The following COLEC12 variants were observed in gnomAD, a reference collection of about 807,000 sequenced individuals.
The protein encoded by COLEC12 is collectin-12.
A neutral mutation model predicts 71.1 loss-of-function variants in COLEC12; 33 were observed. That is an observed-to-expected ratio of 0.46 (90% CI 0.35 to 0.62). The LOEUF (loss-of-function observed/expected upper bound fraction) is 0.62. COLEC12 is among the 20% of genes least tolerant of loss of function. The probability of loss-of-function intolerance (pLI) is 0.00; values close to 1 mark genes in which losing one functional copy is unlikely to be tolerated. For synonymous variants in COLEC12, 350 were observed against 353.0 expected, an observed-to-expected ratio of 0.99 and a Z score of 0.10; for missense variants, 765 against 916.1, an observed-to-expected ratio of 0.84 and a Z score of 2.13.
At chr18:490,429 A>C (rs1005287787) in intron 1 of COLEC12, among the ~76,000 whole-genome samples, 4 of 152,198 alleles carry the variant, frequency 2.6e-5, no homozygotes, top group Non-Finnish European at 5.9e-5. Context: ...GAAAATGGTA[A>C]AAAAAGTTAT....
chr18:333,326 A>G, intron 6 of COLEC12, 183 bp from the exon 7 acceptor site: 1 of 538,970 alleles, frequency 1.9e-6, no homozygotes. Flanking sequence ...AGTGGACTGC[A>G]GAGCACAAGC....
rs567871732 is a variant in COLEC12 at position 319,161 on chromosome 18, T to C, written c.*884A>G. On this transcript the variant is annotated 3_prime_UTR_variant, in exon 10 of 10. Coordinates refer to ENST00000400256, the MANE Select transcript of COLEC12 (RefSeq NM_130386.3). ...TCTTGAGTTGCCCATTTCTTCTGTG[T>C]CTGGTCAGGCACACGTCAAGAATGT... 6.6e-6 allele frequency: 1 copy of C among 151,978 alleles called. No homozygotes were observed. The highest frequency in any genetic ancestry group is 6.6e-5 in the Admixed American group (1 of 15,236). 9.4% of individuals were successfully genotyped at this position (151,978 alleles called of 1,614,324 possible).
intron 1 of COLEC12, among the ~76,000 whole-genome samples, chr18:492,060 A>C (rs1917629245): frequency 6.6e-6 from 1 of 152,122 alleles, no homozygotes; most frequent in African/African-American, 2.4e-5. Context: ...CAACTGTTTC[A>C]CTCCAAATGG....
intron 5 of COLEC12, among the ~76,000 whole-genome samples, chr18:339,358 A>C (rs577497117): frequency 6.6e-6 from 1 of 152,204 alleles, no homozygotes; most frequent in Non-Finnish European, 1.5e-5. Context: ...CACCCAGTCA[A>C]TGTGTAAGTT....
chr18:349,136 G>A (rs117860450), intron 3 of COLEC12, among the ~76,000 whole-genome samples: 1 of 152,322 alleles, frequency 6.6e-6, no homozygotes, highest in Non-Finnish European at 1.5e-5. Flanking sequence ...GAGCCTTCCT[G>A]GCAGCCCTTT....
intron 7 of COLEC12, among the ~76,000 whole-genome samples, chr18:332,791 T>C (rs1370709391): frequency 6.6e-6 from 1 of 152,218 alleles, no homozygotes; most frequent in Admixed American, 6.5e-5. Flanking sequence ...CCAGGCTTGA[T>C]AGGCAATATC....
intron 2 of COLEC12, among the ~76,000 whole-genome samples, chr18:405,088 C>T (rs554038681): frequency 2.0e-5 from 3 of 152,282 alleles, no homozygotes; most frequent in East Asian, 1.9e-4. Flanking sequence ...TACCCTCAGG[C>T]TTACTAGGGT....
intron 2 of COLEC12, among the ~76,000 whole-genome samples, chr18:427,348 C>CCACT (rs774987571): frequency 1.3e-5 from 2 of 152,104 alleles, no homozygotes; most frequent in Non-Finnish European, 2.9e-5. Context: ...AAGGTGACTC[C>CCACT]CAGCAAGCGA....
At chr18:343,526 CAG>C (rs901625270) in intron 5 of COLEC12, among the ~76,000 whole-genome samples, 5 of 152,026 alleles carry the variant, frequency 3.3e-5, no homozygotes, top group African/African-American at 1.2e-4. Flanking sequence ...TCGCAGCCCC[CAG>C]AGTGACCTTG....
At chr18:429,221 GTTTT>G (rs981456692) in intron 2 of COLEC12, among the ~76,000 whole-genome samples, 2 of 146,822 alleles carry the variant, frequency 1.4e-5, no homozygotes, top group Non-Finnish European at 3.1e-5. Context: ...GTTTTGATTT[GTTTT>G]TTTAACAAGA....
chr18:469,272 T>G (rs1415402002), intron 2 of COLEC12, among the ~76,000 whole-genome samples: 2 of 152,256 alleles, frequency 1.3e-5, no homozygotes, highest in Non-Finnish European at 2.9e-5. Flanking sequence ...TCACAGTACA[T>G]CTGGCACGTA....
In COLEC12 at chr18:500,255, A is replaced by T. The variant is rs1917794582; in HGVS notation, c.7+253T>A. On this transcript the variant is annotated intron_variant, in intron 1 of 9. Transcript: ENST00000400256. The surrounding 1 kb of genome is among the most constrained non-coding windows in gnomAD (Gnocchi z 5.3). ...AAACAACGACTTAGGGCTTCAAACT[A>T]CTTGCAAAGACGCGATGGGGAGGGG... Among the ~76,000 whole-genome samples the T allele has an allele frequency of 6.6e-6, 1 of 152,152 alleles. No individual in the cohort carries two copies. Among genetic ancestry groups the T allele is most frequent in the African/African-American group, 2.4e-5 (1 of 41,450 alleles).
chr18:417,053 C>T (rs1246800983), intron 2 of COLEC12, among the ~76,000 whole-genome samples: 2 of 151,900 alleles, frequency 1.3e-5, no homozygotes, highest in Non-Finnish European at 2.9e-5. Flanking sequence ...CACACACACA[C>T]ACACACACAC....
At position 346,529 on chromosome 18, in the gene COLEC12, T is replaced by G. The variant is rs145627431; in HGVS notation, c.1093A>C (p.Asn365His). 62 of 1,614,038 alleles carry G rather than the reference T, an allele frequency of 3.8e-5. No homozygotes were observed. The Middle Eastern group carries it at 9.9e-4, about 26-fold the overall frequency. ...HHLRTLTSNLNEVRTTCTDTL... is the reference protein window; with the variant it reads ...HHLRTLTSNLHEVRTTCTDTL... ...TCTGTGCAAGTGGTCCTGACTTCAT[T>G]TAGATTGCTGGTCAGCGTCCGCAGG... The change falls in exon 5 of 10, where the codon AAT becomes CAT. Residue 365 changes from asparagine (N) to histidine (H), a missense_variant. Coordinates refer to ENST00000400256, the MANE Select transcript of COLEC12 (RefSeq NM_130386.3). This position sits in a 1 kb window ranked among gnomAD's most constrained non-coding sequence, Gnocchi z 4.0.
At chr18:381,553 A>G (rs1315545577) in intron 2 of COLEC12, among the ~76,000 whole-genome samples, 2 of 152,238 alleles carry the variant, frequency 1.3e-5, no homozygotes, top group East Asian at 3.8e-4. Flanking sequence ...GTGGGAATAT[A>G]AGTTGTTATA....
At chr18:355,871 T>C (rs1914619190) in intron 3 of COLEC12, among the ~76,000 whole-genome samples, 1 of 152,188 alleles carries the variant, frequency 6.6e-6, no homozygotes, top group Admixed American at 6.5e-5. Flanking sequence ...AATCATGATT[T>C]AATAGCCTTC....
chr18:365,114 A>G (rs943281890), intron 2 of COLEC12, among the ~76,000 whole-genome samples: 1 of 152,214 alleles, frequency 6.6e-6, no homozygotes, highest in East Asian at 1.9e-4. Flanking sequence ...ATCCTTTCAC[A>G]TGTTGATAGA....
intron 2 of COLEC12, among the ~76,000 whole-genome samples, chr18:407,733 A>G (rs35551284): frequency 0.12 from 18,460 of 152,260 alleles, 1,184 homozygotes; most frequent in African/African-American, 0.15. Flanking sequence ...CCGAATGCCT[A>G]GGTACCCCAC....
chr18:349,388 C>T (rs571809951), intron 3 of COLEC12, among the ~76,000 whole-genome samples: 43 of 152,322 alleles, frequency 2.8e-4, no homozygotes, highest in African/African-American at 4.1e-4. Flanking sequence ...TGGGAACCTC[C>T]GCCTGGATTT....
Sources: allele counts gnomAD v4.1 joint callset (sites outside exome capture counted in the v4.1 genomes callset), GRCh38; gene constraint gnomAD v4.1.1; non-coding constraint Gnocchi (gnomAD v3.1); transcripts MANE v1.5; gene names NCBI Gene and HGNC (gene_info 2026-07-23, HGNC 2026-07-21).